RUNX1: variants seen among roughly 807,000 people sequenced by gnomAD.
RUNX1 encodes runt-related transcription factor 1.
In RUNX1, 19 loss-of-function variants were observed where a neutral mutation model predicts 42.8. The observed-to-expected ratio is 0.44, with a 90% CI of 0.31 to 0.65. RUNX1 has a LOEUF of 0.65. RUNX1 is among the 30% of genes least tolerant of loss of function. The pLI is 0.07. For synonymous variants in RUNX1, 271 were observed against 289.4 expected, an observed-to-expected ratio of 0.94 and a Z score of 0.64; for missense variants, 528 against 672.0, an observed-to-expected ratio of 0.79 and a Z score of 2.37.
At chr21:35,047,224 T>C (rs1409377508) in intron 2 of RUNX1, among the ~76,000 whole-genome samples, 1 of 151,968 alleles carries the variant, frequency 6.6e-6, no homozygotes, top group Non-Finnish European at 1.5e-5. Flanking sequence ...CAGGAAGATC[T>C]TTTTTTTCTG....
intron 2 of RUNX1, among the ~76,000 whole-genome samples, chr21:34,955,583 G>T (rs1159749910): frequency 6.6e-6 from 1 of 152,162 alleles, no homozygotes; most frequent in African/African-American, 2.4e-5. Flanking sequence ...AATCATTGAT[G>T]TGTTGAGTAT....
intron 8 of RUNX1, chr21:34,798,160 C>T: frequency 2.2e-6 from 1 of 456,526 alleles, no homozygotes; most frequent in South Asian, 1.5e-5. Context: ...GTGCCTGCCC[C>T]CTAATCTGCT....
At chr21:34,836,220 C>A (rs376259081) in intron 6 of RUNX1, among the ~76,000 whole-genome samples, 1 of 152,214 alleles carries the variant, frequency 6.6e-6, no homozygotes, top group African/African-American at 2.4e-5. Flanking sequence ...GAGACTTGAA[C>A]GCAAACAGCC....
chr21:34,865,175 CATG>C (rs1033694901), intron 5 of RUNX1, among the ~76,000 whole-genome samples: 5 of 152,062 alleles, frequency 3.3e-5, no homozygotes, highest in African/African-American at 1.2e-4. Context: ...TCATTAAAGA[CATG>C]ATAAAGGTGA....
At chr21:34,999,485 C>T (rs768161082) in intron 2 of RUNX1, among the ~76,000 whole-genome samples, 2 of 152,170 alleles carry the variant, frequency 1.3e-5, no homozygotes, top group African/African-American at 2.4e-5. Flanking sequence ...GGCTGTTGCT[C>T]AACAGCTGAC....
intron 2 of RUNX1, among the ~76,000 whole-genome samples, chr21:34,959,771 G>A (rs957907458): frequency 6.6e-6 from 1 of 152,192 alleles, no homozygotes; most frequent in Non-Finnish European, 1.5e-5. Flanking sequence ...AGAGCACTGA[G>A]TGCCTCCAGC....
chr21:34,923,657 A>T (rs897159159), intron 2 of RUNX1, among the ~76,000 whole-genome samples: 26 of 152,246 alleles, frequency 1.7e-4, no homozygotes, highest in African/African-American at 6.0e-4. Context: ...TGCTCTTCTT[A>T]TATTTCCCAT....
chr21:34,998,328 G>C (rs1389131632), intron 2 of RUNX1, among the ~76,000 whole-genome samples: 3 of 151,922 alleles, frequency 2.0e-5, no homozygotes. Flanking sequence ...TTCCTCAGAG[G>C]GACCACACAA....
At chr21:34,888,542 G>A in intron 3 of RUNX1, 1 of 1,064,678 alleles carries the variant, frequency 9.4e-7, no homozygotes, top group Non-Finnish European at 1.1e-6. Context: ...TCCAACGCAG[G>A]CCAAGGAGAA....
intron 3 of RUNX1, among the ~76,000 whole-genome samples, chr21:34,891,075 G>A (rs2058076055): frequency 6.6e-6 from 1 of 152,070 alleles, no homozygotes; most frequent in African/African-American, 2.4e-5. Flanking sequence ...AGGCTCCTCT[G>A]GGTCTCGGGC....
At chr21:34,888,708 A>G (rs2058035083) in intron 3 of RUNX1, 1 of 1,031,916 alleles carries the variant, frequency 9.7e-7, no homozygotes, top group African/African-American at 1.7e-5. Flanking sequence ...GTGCCTGGAA[A>G]TGAACGTGCT....
chr21:34,862,054 A>T (rs2057584278), intron 5 of RUNX1, among the ~76,000 whole-genome samples: 1 of 152,028 alleles, frequency 6.6e-6, no homozygotes, highest in Non-Finnish European at 1.5e-5. Context: ...CCTTGAGGAC[A>T]CAACAATAGA....
Position 34,995,189 on chromosome 21 carries a change from A to G in RUNX1, c.58+53653T>C, listed in dbSNP as rs2058984663. 2.6e-5 allele frequency among the ~76,000 whole-genome samples: 4 copies of G among 152,220 alleles called. No individual in the cohort carries two copies. In the Middle Eastern group the frequency reaches 0.01, roughly 388 times the overall value. ...GGAGGCCCCACCTTGTGAGGCCACT[A>G]TGTCCCCTTTGGCCCTACACATCAG... On this transcript the variant is annotated intron_variant, in intron 2 of 8. Transcript: ENST00000675419.
At chr21:34,861,534 A>G (rs2057575600) in intron 5 of RUNX1, among the ~76,000 whole-genome samples, 2 of 152,122 alleles carry the variant, frequency 1.3e-5, no homozygotes, top group South Asian at 4.1e-4. Context: ...TATCATCAAG[A>G]CTGAACTCCA....
intron 2 of RUNX1, among the ~76,000 whole-genome samples, chr21:34,962,806 C>A (rs2146711956): frequency 6.6e-6 from 1 of 152,340 alleles, no homozygotes; most frequent in African/African-American, 2.4e-5. Flanking sequence ...TAGGTTGACC[C>A]ACAGTGCTCA....
At chr21:34,878,587 G>T (rs1299901361) in intron 5 of RUNX1, among the ~76,000 whole-genome samples, 1 of 152,042 alleles carries the variant, frequency 6.6e-6, no homozygotes, top group Non-Finnish European at 1.5e-5. Flanking sequence ...AGCCTTGGTT[G>T]CAGCTATTTT....
At chr21:34,857,569 A>G (rs2057512784) in intron 6 of RUNX1, among the ~76,000 whole-genome samples, 1 of 152,226 alleles carries the variant, frequency 6.6e-6, no homozygotes, top group Non-Finnish European at 1.5e-5. Flanking sequence ...CAACTGTCCC[A>G]GAGACGGCTG....
At chr21:34,958,217 G>A (rs989917710) in intron 2 of RUNX1, among the ~76,000 whole-genome samples, 2 of 152,088 alleles carry the variant, frequency 1.3e-5, no homozygotes, top group African/African-American at 4.8e-5. Flanking sequence ...CACTGCCAGC[G>A]CCCAGCTGTG....
chr21:34,804,050 T>C (rs914767785), intron 7 of RUNX1, among the ~76,000 whole-genome samples: 9 of 152,200 alleles, frequency 5.9e-5, no homozygotes, highest in Admixed American at 5.2e-4. Flanking sequence ...AAAGCTGAAG[T>C]TGCAGGGCAA....
Sources: gnomAD v4.1 joint callset for allele counts (sites outside exome capture counted in the v4.1 genomes callset) on GRCh38, gnomAD v4.1.1 for gene constraint, MANE v1.5 for transcripts, NCBI Gene and HGNC (gene_info 2026-07-23, HGNC 2026-07-21) for gene names.